NSFL1C: variants seen among roughly 807,000 people sequenced by gnomAD.
The protein encoded by NSFL1C is NSFL1 cofactor.
A neutral mutation model predicts 43.1 loss-of-function variants in NSFL1C; 14 were observed. That is an observed-to-expected ratio of 0.32 (90% CI 0.21 to 0.51). NSFL1C has a LOEUF of 0.51. Ranked by LOEUF, NSFL1C falls within the 20% of genes least tolerant of loss-of-function variation. The pLI is 0.98. For missense variants in NSFL1C, 406 were observed against 472.5 expected (o/e 0.86, Z 1.30); for synonymous variants, 171 against 183.5 (o/e 0.93, Z 0.55).
chr20:1,455,277 G>A, intron 3 of NSFL1C, 145 bp from the exon 4 acceptor site: 1 of 911,750 alleles, frequency 1.1e-6, no homozygotes, highest in Non-Finnish European at 1.8e-6. Flanking sequence ...CACATGGAAG[G>A]AGGCAAGCAG....
intron 2 of NSFL1C, among the ~76,000 whole-genome samples, chr20:1,459,782 T>C (rs972364677): frequency 2.0e-5 from 3 of 152,228 alleles, no homozygotes; most frequent in Admixed American, 6.5e-5. Flanking sequence ...TCTGTACTAG[T>C]ACCCTGAGAG....
intron 2 of NSFL1C, among the ~76,000 whole-genome samples, chr20:1,461,739 C>T (rs1687025909): frequency 6.6e-6 from 1 of 152,116 alleles, no homozygotes; most frequent in African/African-American, 2.4e-5. Context: ...ACTTCAGTGT[C>T]CTCATCTGTA....
chr20:1,464,834 G>A (rs1452731353), intron 1 of NSFL1C, among the ~76,000 whole-genome samples: 1 of 152,158 alleles, frequency 6.6e-6, no homozygotes, highest in African/African-American at 2.4e-5. Flanking sequence ...TGATACAGAA[G>A]CACTGAGGAT....
chr20:1,464,814 AT>A (rs1180433535), intron 1 of NSFL1C, among the ~76,000 whole-genome samples: 1 of 152,132 alleles, frequency 6.6e-6, no homozygotes, highest in Non-Finnish European at 1.5e-5. Context: ...TTATCATCTC[AT>A]TTTATAGTTG....
rs140021518 is a variant in NSFL1C, at chr20:1,462,696, T to G, written c.203+1633A>C. The stretch of plus-strand genomic sequence containing the variant: ...GCCACCACACCTGGCTAATTTTTTT[T>G]GTATTTTTAGTAGAGACGGGGTTTC... On this transcript the variant is annotated intron_variant, in intron 2 of 8. Transcript: ENST00000216879. 3.2e-3 allele frequency among the ~76,000 whole-genome samples: 485 copies of G among 152,122 alleles called. 4 individuals are homozygous for G. Among genetic ancestry groups the G allele is most frequent in the African/African-American group, 0.011 (453 of 41,486 alleles).
chr20:1,454,063 C>A lies in NSFL1C; in HGVS notation c.537+150G>T. 4 of 633,944 alleles carry A rather than the reference C, an allele frequency of 6.3e-6. No individual in the cohort carries two copies. In the South Asian group the frequency reaches 7.7e-5, roughly 12 times the overall value. The allele number at this position is 633,944 out of a possible 1,614,324, so 39.3% of individuals were successfully genotyped here. On this transcript the variant is annotated intron_variant, in intron 5 of 8. Coordinates refer to ENST00000216879, the MANE Select transcript of NSFL1C (RefSeq NM_016143.5). Reference sequence around the variant, plus strand: ...AAACCTCCTTTGATTTTCCAGTAAGCGTCTTTGTTCGTGAACCACAGCAAG... The same window carrying A: ...AAACCTCCTTTGATTTTCCAGTAAGAGTCTTTGTTCGTGAACCACAGCAAG...
chr20:1,447,676 C>T (rs1331604235), intron 7 of NSFL1C, among the ~76,000 whole-genome samples: 1 of 152,136 alleles, frequency 6.6e-6, no homozygotes, highest in African/African-American at 2.4e-5. Context: ...TCATTGAAAC[C>T]ACCGCCTGCC....
intron 1 of NSFL1C, among the ~76,000 whole-genome samples, chr20:1,466,222 G>A (rs992931573): frequency 6.6e-5 from 10 of 152,144 alleles, no homozygotes; most frequent in African/African-American, 2.2e-4. Flanking sequence ...AGTTAACTAC[G>A]CAAGGTGAAG....
chr20:1,445,633 C>T (rs1568612231), intron 8 of NSFL1C, 33 bp downstream of exon 8: 1 of 1,609,388 alleles, frequency 6.2e-7, no homozygotes, highest in East Asian at 2.2e-5. Flanking sequence ...GAGGACACTC[C>T]TAGAATAAGC....
At chr20:1,459,344 T>C (rs939959209) in intron 2 of NSFL1C, among the ~76,000 whole-genome samples, 4 of 152,222 alleles carry the variant, frequency 2.6e-5, no homozygotes, top group African/African-American at 9.6e-5. Context: ...CCTGCCACCA[T>C]GTGAAGATGT....
At chr20:1,457,145 G>A (rs2090318925) in intron 3 of NSFL1C, 1 of 152,004 alleles carries the variant, frequency 6.6e-6, no homozygotes, top group African/African-American at 2.4e-5. Context: ...ATGTCTATTG[G>A]GGGAAATATA....
intron 8 of NSFL1C, 79 bp from the exon 9 acceptor site, chr20:1,443,990 G>A (rs2090005232): frequency 8.4e-6 from 12 of 1,423,290 alleles, no homozygotes; most frequent in Middle Eastern, 2.4e-4. Context: ...TAAACACCTC[G>A]CAAATCCCCT....
intron 6 of NSFL1C, among the ~76,000 whole-genome samples, 157 bp from the exon 7 acceptor site, chr20:1,452,787 TTTCTC>T (rs2090211593): frequency 6.6e-6 from 1 of 152,190 alleles, no homozygotes; most frequent in Non-Finnish European, 1.5e-5. Context: ...GCCTCCACCT[TTTCTC>T]TTGTTTGTTC....
At chr20:1,458,955 T>G (rs190602873) in intron 2 of NSFL1C, among the ~76,000 whole-genome samples, 2 of 152,200 alleles carry the variant, frequency 1.3e-5, no homozygotes, top group Non-Finnish European at 2.9e-5. Context: ...TGGGCACAAC[T>G]AAAAATGAGC....
At chr20:1,449,674 C>A (rs763757866) in intron 7 of NSFL1C, among the ~76,000 whole-genome samples, 24 of 152,280 alleles carry the variant, frequency 1.6e-4, no homozygotes, top group Non-Finnish European at 3.1e-4. Flanking sequence ...TTTTTGGTGT[C>A]TCCCTGCAAA....
intron 2 of NSFL1C, among the ~76,000 whole-genome samples, chr20:1,462,140 A>G (rs2090423875): frequency 6.6e-6 from 1 of 152,198 alleles, no homozygotes; most frequent in Non-Finnish European, 1.5e-5. Context: ...GCTCTGAGGC[A>G]GCAGTGACAA....
chr20:1,465,822 C>A (rs1006536610), intron 1 of NSFL1C, among the ~76,000 whole-genome samples: 1 of 152,198 alleles, frequency 6.6e-6, no homozygotes, highest in African/African-American at 2.4e-5. Flanking sequence ...GGTTCCACTT[C>A]TACCTCTTCT....
At chr20:1,464,080 T>C in intron 2 of NSFL1C, 1 of 445,630 alleles carries the variant, frequency 2.2e-6, no homozygotes, top group Non-Finnish European at 4.0e-6. Flanking sequence ...TCATACTACA[T>C]AAGTAAAAGT....
intron 7 of NSFL1C, among the ~76,000 whole-genome samples, chr20:1,448,361 T>G (rs1291546723): frequency 6.6e-6 from 1 of 152,158 alleles, no homozygotes; most frequent in Non-Finnish European, 1.5e-5. Flanking sequence ...TTCAGTGTCT[T>G]TGTGTGTAAA....
Sources: gnomAD v4.1 joint callset for allele counts (sites outside exome capture counted in the v4.1 genomes callset) on GRCh38, gnomAD v4.1.1 for gene constraint, MANE v1.5 for transcripts, NCBI Gene and HGNC (gene_info 2026-07-23, HGNC 2026-07-21) for gene names.